Variants in PLA2R1 observed in about 807,000 individuals in gnomAD.
PLA2R1 encodes phospholipase A2 receptor 1.
Under a neutral mutation model 195.9 loss-of-function variants are expected in PLA2R1, and 158 were observed. The observed-to-expected ratio is 0.81, with a 90% CI of 0.71 to 0.92. The LOEUF (loss-of-function observed/expected upper bound fraction) is 0.92. PLA2R1 is among the 40% of genes least tolerant of loss of function. The pLI is 0.00. For synonymous variants in PLA2R1, 586 were observed against 598.2 expected (o/e 0.98, Z 0.30); for missense variants, 1,626 against 1,764.6 (o/e 0.92, Z 1.41).
At chr2:159,942,968 T>C (rs892736025) in intron 28 of PLA2R1, among the ~76,000 whole-genome samples, 2 of 148,026 alleles carry the variant, frequency 1.4e-5, no homozygotes, top group African/African-American at 4.9e-5. Context: ...AAAACCAGAC[T>C]TGTTCTTTTT....
At chr2:159,946,027 G>T in intron 27 of PLA2R1, 6 of 984,434 alleles carry the variant, frequency 6.1e-6, no homozygotes, top group Non-Finnish European at 7.2e-6. Context: ...TTTCTAAAAA[G>T]ATTTTACAGT....
chr2:160,029,285 G>T (rs1048653420), intron 4 of PLA2R1, among the ~76,000 whole-genome samples: 2 of 152,202 alleles, frequency 1.3e-5, no homozygotes, highest in African/African-American at 4.8e-5. Context: ...TGAACTTAAA[G>T]GTTTAATAGG....
intron 1 of PLA2R1, among the ~76,000 whole-genome samples, chr2:160,058,992 G>A (rs1695764408): frequency 6.6e-6 from 1 of 152,156 alleles, no homozygotes; most frequent in South Asian, 2.1e-4. Flanking sequence ...CTGTTTTCCT[G>A]CAACTAGACG....
In PLA2R1 at chr2:159,933,629, G is replaced by A. The variant is rs767049835; in HGVS notation, c.*8149C>T. 6 of 152,096 alleles carry A rather than the reference G, an allele frequency of 3.9e-5. No homozygotes were observed. Among genetic ancestry groups the A allele is most frequent in the Non-Finnish European group, 7.3e-5 (5 of 68,032 alleles). 9.4% of individuals were successfully genotyped at this position (152,096 alleles called of 1,614,324 possible). ...TGAGTTCCATGAGGGGAGAGATGGG[G>A]TGTTATTGGTATTTATAGCCTCTGA... On this transcript the variant is annotated 3_prime_UTR_variant, in exon 30 of 30. Transcript: ENST00000283243.
chr2:159,959,571 G>A (rs1267018218), intron 20 of PLA2R1, among the ~76,000 whole-genome samples: 1 of 152,044 alleles, frequency 6.6e-6, no homozygotes, highest in African/African-American at 2.4e-5. Context: ...GAATTAATGG[G>A]GTCCTACTGT....
At chr2:159,942,895 C>T (rs1458605152) in intron 28 of PLA2R1, among the ~76,000 whole-genome samples, 1 of 151,874 alleles carries the variant, frequency 6.6e-6, no homozygotes, top group East Asian at 1.9e-4. Context: ...TACTGATGCT[C>T]ATTCACTCTG....
At chr2:159,985,471 A>G (rs1690260214) in intron 12 of PLA2R1, among the ~76,000 whole-genome samples, 1 of 152,250 alleles carries the variant, frequency 6.6e-6, no homozygotes. Flanking sequence ...ATTTCAAAAA[A>G]TGTGTTTCTG....
At chr2:159,930,560 C>T (rs183124760), downstream of PLA2R1, among the ~76,000 whole-genome samples, 78 of 152,244 alleles carry the variant, frequency 5.1e-4, no homozygotes, top group Middle Eastern at 3.4e-3. Context: ...TTAGATCCTC[C>T]TAGGGGTCTA....
chr2:159,978,746 T>C (rs1370182060), intron 14 of PLA2R1, among the ~76,000 whole-genome samples: 1 of 152,148 alleles, frequency 6.6e-6, no homozygotes, highest in African/African-American at 2.4e-5. Context: ...GAAAAATGGA[T>C]TAGTGGGGCT....
In PLA2R1 at chr2:159,987,237, T is replaced by G. The variant is rs114280866; in HGVS notation, c.1956A>C (p.Lys652Asn). The change falls in exon 12 of 30, where the codon AAA (lysine) becomes AAC (asparagine). Residue 652 changes from lysine to asparagine, a missense_variant. By Grantham distance (94) the Lys-to-Asn change is moderately conservative. Coordinates refer to ENST00000283243, the MANE Select transcript of PLA2R1 (RefSeq NM_007366.5). ...AGGGCCATCTCTCTTCATACTCTGCTTTTTCCTGATTTTCAACTGGCTGCT... is the reference window on the plus strand; with the variant it reads ...AGGGCCATCTCTCTTCATACTCTGCGTTTTCCTGATTTTCAACTGGCTGCT... Reference protein sequence around the residue: ...LCKQPVENQEKAEYEERWPFH... With the variant: ...LCKQPVENQENAEYEERWPFH... The G allele has an allele frequency of 6.3e-3, 10,103 of 1,613,722 alleles. 337 individuals are homozygous for G. The African/African-American group carries it at 0.09, about 14-fold the overall frequency.
intron 11 of PLA2R1, among the ~76,000 whole-genome samples, chr2:159,988,881 A>G (rs892033096): frequency 3.3e-5 from 5 of 152,224 alleles, no homozygotes; most frequent in Admixed American, 2.6e-4. Flanking sequence ...GACATAGAGC[A>G]TCTCTTTAGG....
At chr2:159,952,990 C>A (rs771007864) in intron 23 of PLA2R1, among the ~76,000 whole-genome samples, 1 of 152,098 alleles carries the variant, frequency 6.6e-6, no homozygotes, top group African/African-American at 2.4e-5. Flanking sequence ...AGCCTACGTG[C>A]CCAGTGTAAT....
At chr2:160,057,508 G>A (rs939491281) in intron 1 of PLA2R1, among the ~76,000 whole-genome samples, 1 of 152,152 alleles carries the variant, frequency 6.6e-6, no homozygotes, top group African/African-American at 2.4e-5. Context: ...TGAAATACAT[G>A]TTCCCAGGAA....
At chr2:160,054,160 G>A (rs530374673) in intron 1 of PLA2R1, among the ~76,000 whole-genome samples, 5 of 152,178 alleles carry the variant, frequency 3.3e-5, no homozygotes, top group Non-Finnish European at 7.3e-5. Flanking sequence ...GCTGGGGCTG[G>A]GTGTGTAGTT....
intron 12 of PLA2R1, among the ~76,000 whole-genome samples, chr2:159,986,685 C>T (rs1184020506): frequency 2.6e-5 from 4 of 151,568 alleles, no homozygotes; most frequent in East Asian, 1.9e-4. Context: ...CTCCCGGGTT[C>T]GAGCCATTCT....
downstream of PLA2R1, among the ~76,000 whole-genome samples, chr2:159,931,162 C>G (rs1030116644): frequency 6.6e-6 from 1 of 152,204 alleles, no homozygotes; most frequent in African/African-American, 2.4e-5. Context: ...ATACGCTTAG[C>G]ACCAGTTGGT....
chr2:159,960,149 A>T (rs1320034289), intron 20 of PLA2R1, among the ~76,000 whole-genome samples: 1 of 151,982 alleles, frequency 6.6e-6, no homozygotes, highest in Non-Finnish European at 1.5e-5. Flanking sequence ...TGTTTCCTTT[A>T]GTTTCTTAAA....
At chr2:159,960,290 T>C (rs1360518445) in intron 20 of PLA2R1, among the ~76,000 whole-genome samples, 1 of 152,178 alleles carries the variant, frequency 6.6e-6, no homozygotes, top group Non-Finnish European at 1.5e-5. Context: ...TAACTTTCCT[T>C]CATCACGTAC....
intron 15 of PLA2R1, among the ~76,000 whole-genome samples, chr2:159,976,925 G>A (rs1440471473): frequency 6.6e-6 from 1 of 152,208 alleles, no homozygotes; most frequent in East Asian, 1.9e-4. Context: ...AAGAAGGAAG[G>A]ACATGAGCAC....
Sources: allele counts gnomAD v4.1 joint callset (sites outside exome capture counted in the v4.1 genomes callset), GRCh38; gene constraint gnomAD v4.1.1; transcripts MANE v1.5; gene names NCBI Gene and HGNC (gene_info 2026-07-23, HGNC 2026-07-21).